The following LRMDA variants were observed in gnomAD, a reference collection of about 807,000 sequenced individuals.
LRMDA encodes the protein leucine-rich melanocyte differentiation-associated protein.
Under a neutral mutation model 29.8 loss-of-function variants are expected in LRMDA, and 18 were observed. That is an observed-to-expected ratio of 0.60 (90% CI 0.42 to 0.90). The LOEUF (loss-of-function observed/expected upper bound fraction) is 0.90. Among genes scored for constraint, LRMDA ranks in the 40% least tolerant of loss-of-function variants. The pLI is 0.00. For missense variants in LRMDA, 273 were observed against 273.9 expected (o/e 1.00, Z 0.02); for synonymous variants, 125 against 109.4 (o/e 1.14, Z -0.89).
intron 2 of LRMDA, among the ~76,000 whole-genome samples, chr10:75,482,825 T>C (rs1359358415): frequency 2.0e-5 from 3 of 152,200 alleles, no homozygotes; most frequent in Admixed American, 6.5e-5. Flanking sequence ...CAAAAGAAAT[T>C]TTGATAAAAT....
intron 5 of LRMDA, among the ~76,000 whole-genome samples, chr10:76,199,830 G>T (rs533917654): frequency 6.6e-6 from 1 of 152,122 alleles, no homozygotes; most frequent in Non-Finnish European, 1.5e-5. Flanking sequence ...GCTTTTTCAC[G>T]TGCTCTGAAG....
At chr10:76,059,792 G>T (rs1343775210) in intron 5 of LRMDA, among the ~76,000 whole-genome samples, 1 of 152,176 alleles carries the variant, frequency 6.6e-6, no homozygotes, top group East Asian at 1.9e-4. Flanking sequence ...CAGACCTCAG[G>T]CCACTTTCTT....
At chr10:76,311,519 A>T (rs1172370087) in intron 5 of LRMDA, among the ~76,000 whole-genome samples, 2 of 152,180 alleles carry the variant, frequency 1.3e-5, no homozygotes, top group Non-Finnish European at 2.9e-5. Context: ...AACACTCAGC[A>T]AATCTCCAAA....
intron 2 of LRMDA, among the ~76,000 whole-genome samples, chr10:75,546,081 G>A (rs903232481): frequency 6.6e-6 from 1 of 152,166 alleles, no homozygotes; most frequent in African/African-American, 2.4e-5. Context: ...TATGGTGTAA[G>A]TTGGAATCTT....
chr10:75,678,541 C>T (rs1230067332), intron 2 of LRMDA, among the ~76,000 whole-genome samples: 1 of 152,088 alleles, frequency 6.6e-6, no homozygotes, highest in Non-Finnish European at 1.5e-5. Context: ...AGAAGTCTTC[C>T]TTGTTTGCAT....
chr10:75,971,098 C>T (rs2132438812), intron 2 of LRMDA, among the ~76,000 whole-genome samples: 1 of 152,248 alleles, frequency 6.6e-6, no homozygotes, highest in South Asian at 2.1e-4. Flanking sequence ...TCCCTTTGCT[C>T]TTCCATAGTG....
chr10:75,647,261 A>T (rs1448073629), intron 2 of LRMDA, among the ~76,000 whole-genome samples: 19 of 151,920 alleles, frequency 1.3e-4, no homozygotes, highest in Admixed American at 2.0e-4. Flanking sequence ...ATTTTTTTTT[A>T]AAACCCTAAA....
At chr10:75,758,233 C>G (rs1464303570) in intron 2 of LRMDA, among the ~76,000 whole-genome samples, 1 of 152,228 alleles carries the variant, frequency 6.6e-6, no homozygotes, top group East Asian at 1.9e-4. Context: ...TTGCTGCCCC[C>G]ACCTGGGTGT....
intron 5 of LRMDA, among the ~76,000 whole-genome samples, chr10:76,297,643 A>T (rs1840427935): frequency 6.6e-6 from 1 of 152,150 alleles, no homozygotes; most frequent in Non-Finnish European, 1.5e-5. Flanking sequence ...CGTTTCTGTC[A>T]TTCTTCCTGG....
chr10:76,345,084 T>TTTTTTC (rs1841087689), intron 6 of LRMDA, among the ~76,000 whole-genome samples: 1 of 129,722 alleles, frequency 7.7e-6, no homozygotes, highest in African/African-American at 2.6e-5. Context: ...TTTTTTTTTT[T>TTTTTTC]GAGACGGAGT....
At position 75,789,305 on chromosome 10, in the gene LRMDA, C is replaced by T. The variant is rs560528017; in HGVS notation, c.132-246703C>T. Among the ~76,000 whole-genome samples the T allele has an allele frequency of 2.6e-5, 4 of 152,250 alleles. No individual in the cohort carries two copies. In the East Asian group the frequency reaches 7.7e-4, roughly 29 times the overall value. On this transcript the variant is annotated intron_variant, in intron 2 of 6. Coordinates refer to ENST00000611255, the MANE Select transcript of LRMDA (RefSeq NM_001305581.2). ...CAGAGCCTGGCAGGTTGTAAACCCA[C>T]AGTAAATAGTTAGCAGGGGCTTCTG... is the stretch of plus-strand genomic sequence containing the variant.
At chr10:75,963,540 A>C (rs1310147902) in intron 2 of LRMDA, among the ~76,000 whole-genome samples, 1 of 152,220 alleles carries the variant, frequency 6.6e-6, no homozygotes, top group Non-Finnish European at 1.5e-5. Flanking sequence ...ATGCCCATGC[A>C]GTCTATGCAA....
chr10:75,662,056 C>G lies in LRMDA; in HGVS notation c.131+223562C>G, dbSNP rs180764628. Among the ~76,000 whole-genome samples, 61 of 151,742 alleles carry G rather than the reference C, an allele frequency of 4.0e-4. No homozygotes were observed. The East Asian group carries it at 0.011, about 28-fold the overall frequency. On this transcript the variant is annotated intron_variant, in intron 2 of 6. Coordinates refer to ENST00000611255, the MANE Select transcript of LRMDA (RefSeq NM_001305581.2). ...CAGAAGGAAAAATGTAAACTGAGGA[C>G]CTTTTCTTTTGGCCAAATTGAATGT...
At position 75,541,078 on chromosome 10, in the gene LRMDA, A is replaced by G. The variant is rs140660082; in HGVS notation, c.131+102584A>G. ...TTTAAATAGTTGTTGCAGGAATGAG[A>G]ACTCTTGCAGGGATTGAATAGCCTA... On this transcript the variant is annotated intron_variant, in intron 2 of 6. Coordinates refer to ENST00000611255, the MANE Select transcript of LRMDA (RefSeq NM_001305581.2). Among the ~76,000 whole-genome samples the G allele has an allele frequency of 6.2e-3, 951 of 152,184 alleles. 9 individuals carry two copies. The highest frequency in any genetic ancestry group is 0.02 in the African/African-American group (841 of 41,530).
chr10:76,219,707 C>T lies in LRMDA; in HGVS notation c.517-104694C>T, dbSNP rs1454420613. Among the ~76,000 whole-genome samples the T allele has an allele frequency of 2.6e-5, 4 of 152,044 alleles. No individual in the cohort carries two copies. The South Asian group carries it at 6.2e-4, about 24-fold the overall frequency. On this transcript the variant is annotated intron_variant, in intron 5 of 6. Coordinates refer to ENST00000611255, the MANE Select transcript of LRMDA (RefSeq NM_001305581.2). ...CCACTGTCAACATTAGACAGATCAACGAGACAGAAAGTTAACAAGGATACC... is the reference window on the plus strand; with the variant it reads ...CCACTGTCAACATTAGACAGATCAATGAGACAGAAAGTTAACAAGGATACC...
intron 5 of LRMDA, among the ~76,000 whole-genome samples, chr10:76,133,078 C>T (rs987708392): frequency 2.0e-5 from 3 of 150,752 alleles, no homozygotes; most frequent in African/African-American, 4.9e-5. Flanking sequence ...GCCTCAGCCT[C>T]CCAAAGTGCT....
chr10:75,675,161 A>G (rs1157010904), intron 2 of LRMDA, among the ~76,000 whole-genome samples: 2 of 152,152 alleles, frequency 1.3e-5, no homozygotes, highest in Non-Finnish European at 2.9e-5. Context: ...ACAGTCTATT[A>G]TTTATGGGCA....
intron 2 of LRMDA, among the ~76,000 whole-genome samples, chr10:75,635,670 G>GA (rs1445638404): frequency 3.3e-5 from 5 of 151,442 alleles, no homozygotes; most frequent in Non-Finnish European, 7.4e-5. Context: ...TTTGAAGGAT[G>GA]AAAAAAATTG....
chr10:76,261,064 C>CTTTTCTTT (rs1839935539), intron 5 of LRMDA, among the ~76,000 whole-genome samples: 2 of 117,734 alleles, frequency 1.7e-5, no homozygotes, highest in East Asian at 2.5e-4. Flanking sequence ...CTTTTCTTTT[C>CTTTTCTTT]TTTTTTTTTT....
Sources: allele counts gnomAD v4.1 joint callset (sites outside exome capture counted in the v4.1 genomes callset), GRCh38; gene constraint gnomAD v4.1.1; transcripts MANE v1.5; gene names NCBI Gene and HGNC (gene_info 2026-07-23, HGNC 2026-07-21).